UBASH3A: variants seen among roughly 807,000 people sequenced by gnomAD.
UBASH3A encodes ubiquitin associated and SH3 domain containing A, also known as ubiquitin-associated and SH3 domain-containing protein A.
A neutral mutation model predicts 73.5 loss-of-function variants in UBASH3A; 63 were observed. That is an observed-to-expected ratio of 0.86 (90% CI 0.70 to 1.06). The LOEUF (loss-of-function observed/expected upper bound fraction) is 1.06, where lower values mean the gene tolerates loss of function less well. Ranked by LOEUF, UBASH3A falls within the 50% of genes least tolerant of loss-of-function variation. UBASH3A has a pLI of 0.00. For missense variants in UBASH3A, 860 were observed against 859.0 expected (o/e 1.00, Z -0.02); for synonymous variants, 363 against 351.1 (o/e 1.03, Z -0.38).
intron 11 of UBASH3A, among the ~76,000 whole-genome samples, chr21:42,440,099 G>A (rs1208113508): frequency 6.6e-6 from 1 of 152,030 alleles, no homozygotes; most frequent in African/African-American, 2.4e-5. Flanking sequence ...AGAGGAGGAG[G>A]CTGTGATCTT....
intron 13 of UBASH3A, 135 bp from the exon 14 acceptor site, chr21:42,444,399 C>T (rs1389037646): frequency 1.4e-6 from 1 of 710,806 alleles, no homozygotes; most frequent in Non-Finnish European, 2.5e-6. Context: ...AGCCACACTA[C>T]TTCTAGCCCG....
intron 7 of UBASH3A, 100 bp from the exon 8 acceptor site, chr21:42,426,597 G>C: frequency 7.1e-7 from 1 of 1,413,876 alleles, no homozygotes; most frequent in Non-Finnish European, 9.7e-7. Context: ...TGCTGAGGTT[G>C]TCCCGGACAT....
At chr21:42,404,496 G>A (rs1257466157) in intron 1 of UBASH3A, among the ~76,000 whole-genome samples, 1 of 152,144 alleles carries the variant, frequency 6.6e-6, no homozygotes, top group Non-Finnish European at 1.5e-5. Flanking sequence ...AGCTCGGCTG[G>A]CTGACTGGGG....
At chr21:42,410,809 G>A (rs1455761157) in intron 3 of UBASH3A, among the ~76,000 whole-genome samples, 4 of 151,700 alleles carry the variant, frequency 2.6e-5, no homozygotes, top group Non-Finnish European at 2.9e-5. Context: ...TAGACACAGA[G>A]ACACACACAT....
At chr21:42,444,805 G>A (rs1274227154) in intron 14 of UBASH3A, among the ~76,000 whole-genome samples, 162 bp downstream of exon 14, 1 of 152,156 alleles carries the variant, frequency 6.6e-6, no homozygotes, top group African/African-American at 2.4e-5. Context: ...TTATGCGAAG[G>A]GTGACTTCGG....
chr21:42,425,211 A>G (rs2053413775), intron 7 of UBASH3A, among the ~76,000 whole-genome samples: 1 of 152,254 alleles, frequency 6.6e-6, no homozygotes, highest in African/African-American at 2.4e-5. Context: ...TAAGTCAAAG[A>G]GAAAAATGGA....
Position 42,426,705 on chromosome 21 carries a change from C to T in UBASH3A, c.1055C>T (p.Thr352Ile). The change falls in exon 8 of 15, where the codon ACC (threonine) becomes ATC (isoleucine). Residue 352 changes from threonine to isoleucine, a missense_variant. Physicochemically the swap from Thr to Ile is moderately conservative, Grantham distance 89. Coordinates refer to ENST00000319294, the MANE Select transcript of UBASH3A (RefSeq NM_018961.4). ...SDTWVKHRMY[T>I]FSLATDLNSR... is the part of the protein sequence containing the mutation. ...CTTTCCTTCCCCTGCAGGATGTACA[C>T]CTTCAGTCTAGCCACAGACCTGAAC... 2 of 1,613,936 alleles carry T rather than the reference C, an allele frequency of 1.2e-6. No homozygotes were observed. The highest frequency in any genetic ancestry group is 1.7e-6 in the Non-Finnish European group (2 of 1,179,866).
chr21:42,441,146 C>T (rs1322263592), intron 11 of UBASH3A, among the ~76,000 whole-genome samples: 1 of 152,154 alleles, frequency 6.6e-6, no homozygotes, highest in Non-Finnish European at 1.5e-5. Flanking sequence ...CAAGGACACC[C>T]AGTCTTCTTT....
At chr21:42,404,147 AG>A (rs780608531) in intron 1 of UBASH3A, 89 bp downstream of exon 1, 142 of 679,450 alleles carry the variant, frequency 2.1e-4, no homozygotes, top group Non-Finnish European at 3.0e-4. Context: ...GCAGGGGTGT[AG>A]GGTACGGCTT....
Position 42,439,400 on chromosome 21 carries a change from G to A in UBASH3A, c.1486+1820G>A, listed in dbSNP as rs564083547. 2.6e-4 allele frequency among the ~76,000 whole-genome samples: 40 copies of A among 152,130 alleles called. 1 individual carries two copies. The South Asian group carries it at 7.9e-3, about 30-fold the overall frequency. On this transcript the variant is annotated intron_variant, in intron 11 of 14. Coordinates refer to ENST00000319294, the MANE Select transcript of UBASH3A (RefSeq NM_018961.4). ...TCTCGGGTCACAAGACAGAAATGCA[G>A]ACTTACTTCACTTTGCCTTGGAGGT...
intron 6 of UBASH3A, 95 bp downstream of exon 6, chr21:42,416,706 G>C: frequency 8.1e-7 from 1 of 1,227,980 alleles, no homozygotes; most frequent in African/African-American, 1.6e-5. Context: ...AGGCCGAGGC[G>C]GCGGATCATG....
intron 7 of UBASH3A, among the ~76,000 whole-genome samples, chr21:42,423,537 C>A (rs1215267968): frequency 6.6e-6 from 1 of 152,192 alleles, no homozygotes; most frequent in Non-Finnish European, 1.5e-5. Flanking sequence ...GGTTGGGGCT[C>A]CCCTGTGGCC....
chr21:42,409,967 G>A (rs2146496951), intron 3 of UBASH3A: 1 of 660,524 alleles, frequency 1.5e-6, no homozygotes, highest in East Asian at 2.7e-5. Context: ...AGTCCCTCAA[G>A]GGAAGGCAGA....
At chr21:42,418,668 G>T (rs1036736392) in intron 7 of UBASH3A, 59 bp downstream of exon 7, 17 of 1,485,312 alleles carry the variant, frequency 1.1e-5, no homozygotes, top group Non-Finnish European at 1.6e-5. Context: ...GTGTGAGAGT[G>T]CCCACCTGCC....
intron 7 of UBASH3A, among the ~76,000 whole-genome samples, chr21:42,426,347 T>C (rs995933561): frequency 6.6e-6 from 1 of 152,194 alleles, no homozygotes; most frequent in Admixed American, 6.5e-5. Flanking sequence ...TGAAGGGTGG[T>C]CTCTGCTTTA....
chr21:42,406,495 AACAAAATAACCTCCCTGCCT>A, intron 2 of UBASH3A, 134 bp downstream of exon 2: 1 of 702,688 alleles, frequency 1.4e-6, no homozygotes, highest in South Asian at 1.7e-5. Context: ...GCGGAAGTGA[AACAAAATAACCTCCCTGCCT>A]ACCCATAGTG....
chr21:42,421,144 G>C (rs2053331207), intron 7 of UBASH3A, among the ~76,000 whole-genome samples: 1 of 152,262 alleles, frequency 6.6e-6, no homozygotes, highest in Non-Finnish European at 1.5e-5. Flanking sequence ...CCAGTTAGGA[G>C]AGTGGAGAGA....
intron 11 of UBASH3A, among the ~76,000 whole-genome samples, chr21:42,441,153 C>A (rs1312924180): frequency 1.3e-5 from 2 of 152,160 alleles, no homozygotes; most frequent in Non-Finnish European, 2.9e-5. Context: ...ACCCAGTCTT[C>A]TTTACAAGGC....
rs141959076 is a variant in UBASH3A at position 42,404,833 on chromosome 21, A to G, written c.113+775A>G. ...GTGTGAGCGCGACCCTGCTTACCCA[A>G]GGGAAAGGCCTGCATGTGGAAGAGC... On this transcript the variant is annotated intron_variant, in intron 1 of 14. Coordinates refer to ENST00000319294, the MANE Select transcript of UBASH3A (RefSeq NM_018961.4). Among the ~76,000 whole-genome samples, 13 of 152,282 alleles carry G rather than the reference A, an allele frequency of 8.5e-5. No homozygotes were observed. The East Asian group carries it at 2.5e-3, about 29-fold the overall frequency.
Sources: gnomAD v4.1 joint callset for allele counts (sites outside exome capture counted in the v4.1 genomes callset) on GRCh38, gnomAD v4.1.1 for gene constraint, MANE v1.5 for transcripts, NCBI Gene and HGNC (gene_info 2026-07-23, HGNC 2026-07-21) for gene names.